CNTNAP2: variants seen among roughly 807,000 people sequenced by gnomAD.
CNTNAP2 encodes contactin associated protein 2, also known as contactin-associated protein-like 2.
CNTNAP2 carries 98 observed loss-of-function variants against 155.2 expected under a neutral mutation model. The ratio of observed to expected loss-of-function variants is 0.63; its 90% CI spans 0.54 to 0.75. The LOEUF (loss-of-function observed/expected upper bound fraction) is 0.75, where lower values mean the gene tolerates loss of function less well. Among genes scored for constraint, CNTNAP2 ranks in the 30% least tolerant of loss-of-function variants. CNTNAP2 has a pLI of 0.00. For missense variants in CNTNAP2, 1,727 were observed against 1,688.1 expected (o/e 1.02, Z -0.40); for synonymous variants, 651 against 631.2 (o/e 1.03, Z -0.47).
At chr7:146,490,019 A>G (rs1221283422) in intron 1 of CNTNAP2, among the ~76,000 whole-genome samples, 1 of 152,202 alleles carries the variant, frequency 6.6e-6, no homozygotes, top group Non-Finnish European at 1.5e-5. Context: ...AAAGCGCATC[A>G]AATGGGAAGA....
intron 4 of CNTNAP2, among the ~76,000 whole-genome samples, chr7:147,071,077 A>G (rs1316370091): frequency 1.3e-5 from 2 of 151,932 alleles, no homozygotes; most frequent in Non-Finnish European, 2.9e-5. Context: ...GACTTCTTCC[A>G]GCTGTTTCAC....
intron 23 of CNTNAP2, among the ~76,000 whole-genome samples, chr7:148,412,937 T>A (rs1020609434): frequency 1.3e-5 from 2 of 152,258 alleles, no homozygotes; most frequent in Non-Finnish European, 2.9e-5. Flanking sequence ...CCACATCTAT[T>A]TAGATGATCA....
At chr7:146,126,208 T>C (rs1358244885) in intron 1 of CNTNAP2, among the ~76,000 whole-genome samples, 1 of 152,204 alleles carries the variant, frequency 6.6e-6, no homozygotes, top group Non-Finnish European at 1.5e-5. Flanking sequence ...GTTCTCTAAC[T>C]AAGAAGTTTC....
chr7:148,056,877 T>C (rs982436481), intron 15 of CNTNAP2, among the ~76,000 whole-genome samples: 4 of 152,222 alleles, frequency 2.6e-5, no homozygotes, highest in Non-Finnish European at 4.4e-5. Flanking sequence ...AGAGCAGCCC[T>C]TGGCTTTTCT....
At chr7:148,343,088 G>A (rs896971214) in intron 21 of CNTNAP2, among the ~76,000 whole-genome samples, 1 of 152,186 alleles carries the variant, frequency 6.6e-6, no homozygotes, top group Non-Finnish European at 1.5e-5. Flanking sequence ...GGACTTAACC[G>A]CTGGGTTTAT....
At position 147,848,417 on chromosome 7, in the gene CNTNAP2, C is replaced by T. The variant is rs920177353; in HGVS notation, c.2099-55148C>T. Among the ~76,000 whole-genome samples the T allele has an allele frequency of 3.7e-4, 56 of 151,054 alleles. No individual in the cohort carries two copies. In the East Asian group the frequency reaches 5.3e-3, roughly 14 times the overall value. On this transcript the variant is annotated intron_variant, in intron 13 of 23. Transcript: ENST00000361727. ...GGAAAGGGAACTCCCTGACCCCTTGCGCTTCCCAGGTGAGGCAATGCCTCG... is the reference window on the plus strand; with the variant it reads ...GGAAAGGGAACTCCCTGACCCCTTGTGCTTCCCAGGTGAGGCAATGCCTCG...
At chr7:147,905,121 C>A (rs1367016550) in intron 14 of CNTNAP2, among the ~76,000 whole-genome samples, 1 of 152,178 alleles carries the variant, frequency 6.6e-6, no homozygotes, top group African/African-American at 2.4e-5. Context: ...ATGCAAAGAA[C>A]AAGAATCCCT....
intron 4 of CNTNAP2, among the ~76,000 whole-genome samples, chr7:147,072,848 C>CTTTTTTTTTTTT (rs71165064): frequency 1.1e-5 from 1 of 93,684 alleles, no homozygotes; most frequent in Non-Finnish European, 2.0e-5. Context: ...TTCCTTTATT[C>CTTTTTTTTTTTT]TTTTTTTTTT....
At chr7:146,852,059 C>A (rs1794889718) in intron 3 of CNTNAP2, among the ~76,000 whole-genome samples, 1 of 152,104 alleles carries the variant, frequency 6.6e-6, no homozygotes, top group African/African-American at 2.4e-5. Context: ...TCTGGTATGA[C>A]CTCATATTAA....
intron 4 of CNTNAP2, among the ~76,000 whole-genome samples, chr7:147,061,887 C>T (rs1799683001): frequency 6.6e-6 from 1 of 151,958 alleles, no homozygotes; most frequent in Non-Finnish European, 1.5e-5. Context: ...GTAATCCCAG[C>T]ACTTTGGGAG....
intron 1 of CNTNAP2, among the ~76,000 whole-genome samples, chr7:146,261,757 G>T (rs992568111): frequency 1.3e-5 from 2 of 152,048 alleles, no homozygotes; most frequent in Non-Finnish European, 2.9e-5. Flanking sequence ...TCTGCTGAGG[G>T]AGACTAAATT....
chr7:146,319,123 A>G (rs945817531), intron 1 of CNTNAP2, among the ~76,000 whole-genome samples: 7 of 152,134 alleles, frequency 4.6e-5, no homozygotes, highest in Non-Finnish European at 7.3e-5. Context: ...TTTGTTCTCC[A>G]TGATAAGATG....
At chr7:147,149,208 TAG>T (rs1254492524) in intron 8 of CNTNAP2, among the ~76,000 whole-genome samples, 1 of 152,104 alleles carries the variant, frequency 6.6e-6, no homozygotes, top group Non-Finnish European at 1.5e-5. Context: ...AGCCTTTAGC[TAG>T]ACACAGAGTG....
At position 147,713,018 on chromosome 7, in the gene CNTNAP2, G is replaced by A. The variant is rs77986993; in HGVS notation, c.2098+73712G>A. On this transcript the variant is annotated intron_variant, in intron 13 of 23. Coordinates refer to ENST00000361727, the MANE Select transcript of CNTNAP2 (RefSeq NM_014141.6). Reference sequence around the variant, plus strand: ...GATTTCTTTAAATTTCATTTATAACGATCCCTAAACCTCATAATTCCGCAA... The same window carrying A: ...GATTTCTTTAAATTTCATTTATAACAATCCCTAAACCTCATAATTCCGCAA... Among the ~76,000 whole-genome samples, 1,040 of 152,036 alleles carry A rather than the reference G, an allele frequency of 6.8e-3. 12 individuals carry two copies. Among genetic ancestry groups the A allele is most frequent in the African/African-American group, 0.024 (980 of 41,472 alleles).
chr7:146,232,408 A>G (rs1799401477), intron 1 of CNTNAP2, among the ~76,000 whole-genome samples: 1 of 152,050 alleles, frequency 6.6e-6, no homozygotes, highest in East Asian at 1.9e-4. Flanking sequence ...TAAAAGCTGT[A>G]TATTGCTCAA....
chr7:147,439,019 A>C (rs955549997), intron 10 of CNTNAP2, among the ~76,000 whole-genome samples: 1 of 151,896 alleles, frequency 6.6e-6, no homozygotes, highest in African/African-American at 2.4e-5. Flanking sequence ...AATTTTGTTT[A>C]ACTTTTCAAA....
chr7:146,251,055 C>CGTAT (rs1799748641), intron 1 of CNTNAP2, among the ~76,000 whole-genome samples: 1 of 152,084 alleles, frequency 6.6e-6, no homozygotes, highest in Non-Finnish European at 1.5e-5. Context: ...CTTTCTTATA[C>CGTAT]ATAAATATGA....
intron 13 of CNTNAP2, among the ~76,000 whole-genome samples, chr7:147,743,429 C>G (rs566685760): frequency 1.3e-5 from 2 of 152,164 alleles, no homozygotes; most frequent in East Asian, 3.9e-4. Context: ...GCTGTAAAAC[C>G]GGATGCCCCA....
chr7:147,866,750 G>GTTTTTTTT, intron 13 of CNTNAP2, among the ~76,000 whole-genome samples: 1 of 147,932 alleles, frequency 6.8e-6, no homozygotes, highest in Non-Finnish European at 1.5e-5. Context: ...TGCAACCCCT[G>GTTTTTTTT]TTTTTTTTTT....
Sources: gnomAD v4.1 joint callset for allele counts (sites outside exome capture counted in the v4.1 genomes callset) on GRCh38, gnomAD v4.1.1 for gene constraint, MANE v1.5 for transcripts, NCBI Gene and HGNC (gene_info 2026-07-23, HGNC 2026-07-21) for gene names.